Variants in TBC1D31 observed in about 807,000 individuals in gnomAD.
The protein encoded by TBC1D31 is WD repeat domain 67.
In TBC1D31, 99 loss-of-function variants were observed where a neutral mutation model predicts 132.9. The ratio of observed to expected loss-of-function variants is 0.74; its 90% CI spans 0.63 to 0.88. The LOEUF (loss-of-function observed/expected upper bound fraction) is 0.88, where lower values mean the gene tolerates loss of function less well. Ranked by LOEUF, TBC1D31 falls within the 40% of genes least tolerant of loss-of-function variation. The pLI is 0.00. For synonymous variants in TBC1D31, 385 were observed against 419.4 expected (o/e 0.92, Z 1.00); for missense variants, 1,134 against 1,256.6 (o/e 0.90, Z 1.48).
At chr8:123,126,030 T>A (rs756065729) in intron 11 of TBC1D31, 26 bp from the exon 12 acceptor site, 4 of 1,549,472 alleles carry the variant, frequency 2.6e-6, no homozygotes, top group Non-Finnish European at 3.5e-6. Flanking sequence ...TATTTAAAGA[T>A]ATGTTTTCTT....
the TBC1D31 span, among the ~76,000 whole-genome samples, chr8:123,157,236 G>A: frequency 6.6e-6 from 1 of 152,166 alleles, no homozygotes; most frequent in Non-Finnish European, 1.5e-5. Flanking sequence ...ATTGTGCCCC[G>A]TGTGAGGATC....
intron 13 of TBC1D31, chr8:123,128,048 A>G (rs73339623): frequency 0.071 from 23,344 of 327,682 alleles, 1,037 homozygotes; most frequent in Non-Finnish European, 0.089. Context: ...CTATTGTAAG[A>G]AAAGCCTTCA....
chr8:123,115,061 C>T (rs559780351), intron 10 of TBC1D31, among the ~76,000 whole-genome samples: 138 of 152,314 alleles, frequency 9.1e-4, no homozygotes, highest in African/African-American at 3.2e-3. Context: ...TAAATACCCT[C>T]ATAAATATCT....
chr8:123,156,833 A>G (rs1823003004), downstream of TBC1D31, among the ~76,000 whole-genome samples: 1 of 152,092 alleles, frequency 6.6e-6, no homozygotes, highest in Non-Finnish European at 1.5e-5. Flanking sequence ...CCGTGTTCCC[A>G]GCCACTCCTC....
chr8:123,105,070 G>A (rs1275005660), intron 7 of TBC1D31, among the ~76,000 whole-genome samples: 3 of 152,080 alleles, frequency 2.0e-5, no homozygotes, highest in Non-Finnish European at 4.4e-5. Flanking sequence ...TGTTAATCAT[G>A]TATCTTTATT....
chr8:123,154,910 G>T (rs1822948280), downstream of TBC1D31, among the ~76,000 whole-genome samples: 2 of 152,170 alleles, frequency 1.3e-5, no homozygotes, highest in South Asian at 4.1e-4. Context: ...TGTTTCTCCT[G>T]CAGTGTCCTT....
At position 123,144,430 on chromosome 8, in the gene TBC1D31, G is replaced by A. The variant is rs115487225; in HGVS notation, c.2836-287G>A. On this transcript the variant is annotated intron_variant, in intron 19 of 21. Coordinates refer to ENST00000287380, the MANE Select transcript of TBC1D31 (RefSeq NM_145647.4). Reference sequence around the variant, plus strand: ...CTTAGTCTCATAAGATTTGAGATTTGAAACTTATTGAAATGCATTATTATT... The same window carrying A: ...CTTAGTCTCATAAGATTTGAGATTTAAAACTTATTGAAATGCATTATTATT... Among the ~76,000 whole-genome samples, 1,337 of 152,258 alleles carry A rather than the reference G, an allele frequency of 8.8e-3. 20 individuals are homozygous for A. The highest frequency in any genetic ancestry group is 0.03 in the African/African-American group (1,240 of 41,554).
chr8:123,102,837 G>A (rs1284462501), intron 7 of TBC1D31: 2 of 152,246 alleles, frequency 1.3e-5, no homozygotes, highest in Non-Finnish European at 2.9e-5. Flanking sequence ...GAAGCTTTTT[G>A]TTAAGATTCT....
At chr8:123,150,541 G>C (rs192736003) in intron 21 of TBC1D31, among the ~76,000 whole-genome samples, 1 of 152,314 alleles carries the variant, frequency 6.6e-6, no homozygotes, top group South Asian at 2.1e-4. Context: ...TTTGGGCTGG[G>C]CTCCCTCCAA....
intron 2 of TBC1D31, among the ~76,000 whole-genome samples, chr8:123,081,656 G>C (rs1364746021): frequency 6.6e-6 from 1 of 152,202 alleles, no homozygotes; most frequent in African/African-American, 2.4e-5. Context: ...TAAAGAAAAA[G>C]AGGTTTAATG....
intron 1 of TBC1D31, among the ~76,000 whole-genome samples, chr8:123,074,245 C>A (rs1178598192): frequency 6.6e-6 from 1 of 151,998 alleles, no homozygotes; most frequent in Non-Finnish European, 1.5e-5. Flanking sequence ...TGGTCTTGAT[C>A]TCCTGATGTC....
At chr8:123,126,250 G>A (rs1820021510) in intron 12 of TBC1D31, 61 bp downstream of exon 12, 1 of 1,536,582 alleles carries the variant, frequency 6.5e-7, no homozygotes, top group Non-Finnish European at 8.8e-7. Flanking sequence ...ATTGGTTCTG[G>A]TATAAACAGT....
rs1821580065 is a variant in TBC1D31, at chr8:123,140,805, A to G, written c.2544A>G (p.Ala848=). The change falls in exon 18 of 22, where the codon GCA becomes GCG. Residue 848 remains alanine (A), a synonymous_variant. Coordinates refer to ENST00000287380, the MANE Select transcript of TBC1D31 (RefSeq NM_145647.4). ...NQEALAKEMR[A]DADAYRRKVD... is the part of the protein sequence containing the mutation. ...AAGCTCTTGCAAAAGAAATGCGAGC[A>G]GATGCAGATGCCTATAGACGAAAAG... is the stretch of plus-strand genomic sequence containing the variant. 8 of 1,611,936 alleles carry G rather than the reference A, an allele frequency of 5.0e-6. No homozygotes were observed. The highest frequency in any genetic ancestry group is 6.8e-6 in the Non-Finnish European group (8 of 1,179,236).
rs1013164140 is a variant in TBC1D31, at chr8:123,120,304, A to G, written c.1570+116A>G. ...TAGATGTCTCTACTTTTAAGTCACG[A>G]AAGTGTGAAACAATAAGGTATCAAA... On this transcript the variant is annotated intron_variant, in intron 11 of 21. Coordinates refer to ENST00000287380, the MANE Select transcript of TBC1D31 (RefSeq NM_145647.4). The G allele has an allele frequency of 1.1e-5, 9 of 795,850 alleles. No homozygotes were observed. The South Asian group carries it at 1.5e-4, about 13-fold the overall frequency. 49.3% of individuals were successfully genotyped at this position (795,850 alleles called of 1,614,324 possible). A position where few individuals can be genotyped will look rare whatever the true frequency, so the allele number is the denominator to read the frequency against.
chr8:123,160,487 G>GGGAGCAGGA, the TBC1D31 span, among the ~76,000 whole-genome samples: 5 of 151,958 alleles, frequency 3.3e-5, no homozygotes, highest in African/African-American at 7.2e-5. Context: ...AAGGGGGCAG[G>GGGAGCAGGA]GGAGCAGGAG....
At chr8:123,119,905 T>C (rs919087290) in intron 10 of TBC1D31, 150 bp from the exon 11 acceptor site, 4 of 618,678 alleles carry the variant, frequency 6.5e-6, no homozygotes, top group African/African-American at 3.7e-5. Flanking sequence ...GGATTTATAC[T>C]TTTAACAATG....
chr8:123,164,520 G>A, the TBC1D31 span, among the ~76,000 whole-genome samples: 211 of 152,248 alleles, frequency 1.4e-3, no homozygotes, highest in Non-Finnish European at 2.2e-3. Flanking sequence ...TCAGGAGTTC[G>A]AGATCAGCCT....
At chr8:123,136,176 C>T (rs1821073602) in intron 17 of TBC1D31, among the ~76,000 whole-genome samples, 1 of 152,094 alleles carries the variant, frequency 6.6e-6, no homozygotes. Context: ...GATATATAAA[C>T]CTTATTCAGA....
chr8:123,084,135 G>A lies in TBC1D31; in HGVS notation c.341-27G>A, dbSNP rs1815472255. ...CTTCTAGACGTACAGTGTTTTACCT[G>A]GGTAACAATTTTACTTTTTACCACA... On this transcript the variant is annotated intron_variant, in intron 3 of 21. Coordinates refer to ENST00000287380, the MANE Select transcript of TBC1D31 (RefSeq NM_145647.4). 7 of 1,600,842 alleles carry A rather than the reference G, an allele frequency of 4.4e-6. No homozygotes were observed. The East Asian group carries it at 1.6e-4, about 36-fold the overall frequency.
Sources: allele counts gnomAD v4.1 joint callset (sites outside exome capture counted in the v4.1 genomes callset), GRCh38; gene constraint gnomAD v4.1.1; transcripts MANE v1.5; gene names NCBI Gene and HGNC (gene_info 2026-07-23, HGNC 2026-07-21).